The following SEPTIN9 variants were observed in gnomAD, a reference collection of about 807,000 sequenced individuals.
The protein encoded by SEPTIN9 is septin-9.
Under a neutral mutation model 56.6 loss-of-function variants are expected in SEPTIN9, and 13 were observed. The ratio of observed to expected loss-of-function variants is 0.23; its 90% CI spans 0.15 to 0.37. The LOEUF (loss-of-function observed/expected upper bound fraction) is 0.37. SEPTIN9 is among the 10% of genes least tolerant of loss of function. The pLI is 1.00. For synonymous variants in SEPTIN9, 332 were observed against 334.1 expected, an observed-to-expected ratio of 0.99 and a Z score of 0.07; for missense variants, 650 against 823.1, an observed-to-expected ratio of 0.79 and a Z score of 2.57.
Position 77,402,765 on chromosome 17 carries a change from G to A in SEPTIN9, c.721+62G>A, listed in dbSNP as rs1302857995. On this transcript the variant is annotated intron_variant, in intron 3 of 11. Coordinates refer to ENST00000427177, the MANE Select transcript of SEPTIN9 (RefSeq NM_001113491.2). This position sits in a 1 kb window ranked among gnomAD's most constrained non-coding sequence, Gnocchi z 6.6. ...AATGGGGGGCCTGGTTGCTGGCTTTGCCACAGAATCTTGGAGGAAGAAGCT... is the reference window on the plus strand; with the variant it reads ...AATGGGGGGCCTGGTTGCTGGCTTTACCACAGAATCTTGGAGGAAGAAGCT... 2.0e-6 allele frequency: 3 copies of A among 1,485,630 alleles called. No individual in the cohort carries two copies. The African/African-American group carries it at 4.2e-5, about 21-fold the overall frequency. 92.0% of individuals were successfully genotyped at this position (1,485,630 alleles called of 1,614,324 possible). A position where few individuals can be genotyped will look rare whatever the true frequency, so the allele number is the denominator to read the frequency against.
At chr17:77,376,015 G>A in intron 2 of SEPTIN9, 2 of 772,888 alleles carry the variant, frequency 2.6e-6, no homozygotes, top group Non-Finnish European at 3.1e-6. Context: ...AGCCCAGCCA[G>A]GGGTGATGTG....
intron 2 of SEPTIN9, among the ~76,000 whole-genome samples, chr17:77,364,191 C>G (rs1161781514): frequency 6.6e-6 from 1 of 152,204 alleles, no homozygotes; most frequent in African/African-American, 2.4e-5. Context: ...AGCCAGCGCA[C>G]CCCGCGCTTC....
At chr17:77,357,463 C>G (rs776746722) in intron 2 of SEPTIN9, among the ~76,000 whole-genome samples, 1 of 152,182 alleles carries the variant, frequency 6.6e-6, no homozygotes, top group East Asian at 1.9e-4. Flanking sequence ...CAAGCTACAC[C>G]TGCTTTATCA....
intron 2 of SEPTIN9, among the ~76,000 whole-genome samples, chr17:77,353,896 G>T (rs1237004192): frequency 6.6e-6 from 1 of 152,168 alleles, no homozygotes; most frequent in Non-Finnish European, 1.5e-5. Flanking sequence ...TTGCATGTGT[G>T]TGCACACATG....
chr17:77,464,807 G>A lies in SEPTIN9; in HGVS notation c.722-17337G>A, dbSNP rs137867696. 8.3e-3 allele frequency among the ~76,000 whole-genome samples: 1,249 copies of A among 151,284 alleles called. 17 individuals are homozygous for A. The highest frequency in any genetic ancestry group is 0.028 in the African/African-American group (1,166 of 41,188). ...TTTTTAGTAGAGATGGGGTTTCACC[G>A]TGGTCTCAATCTCCTGACCTCGTGA... On this transcript the variant is annotated intron_variant, in intron 3 of 11. Coordinates refer to ENST00000427177, the MANE Select transcript of SEPTIN9 (RefSeq NM_001113491.2).
chr17:77,296,469 A>T (rs2031818756), intron 1 of SEPTIN9, among the ~76,000 whole-genome samples: 1 of 152,094 alleles, frequency 6.6e-6, no homozygotes, highest in African/African-American at 2.4e-5. Context: ...AGACAGACAC[A>T]AACAGGCAAA....
At chr17:77,382,049 CAG>C (rs773626764) in intron 2 of SEPTIN9, among the ~76,000 whole-genome samples, 1 of 151,730 alleles carries the variant, frequency 6.6e-6, no homozygotes, top group Non-Finnish European at 1.5e-5. Context: ...TTTTTTGAGA[CAG>C]AGTTTCGCTC....
chr17:77,430,698 GC>G (rs1422357433), intron 3 of SEPTIN9, among the ~76,000 whole-genome samples: 8 of 152,192 alleles, frequency 5.3e-5, no homozygotes, highest in African/African-American at 1.9e-4. Context: ...GGTTAGAAGT[GC>G]TAAGAAGCAG....
chr17:77,309,423 G>C (rs1388528230), intron 2 of SEPTIN9, among the ~76,000 whole-genome samples: 2 of 152,160 alleles, frequency 1.3e-5, no homozygotes, highest in African/African-American at 4.8e-5. Flanking sequence ...TCATCTTCTT[G>C]GCTTCTTTCT....
intron 3 of SEPTIN9, among the ~76,000 whole-genome samples, chr17:77,466,060 ACACAC>A (rs2038708028): frequency 2.8e-5 from 1 of 35,244 alleles, no homozygotes; most frequent in Non-Finnish European, 6.1e-5. Context: ...ACTGTCACAC[ACACAC>A]ACACACACAC....
chr17:77,385,524 A>AG (rs1202905159), intron 2 of SEPTIN9, among the ~76,000 whole-genome samples: 1 of 152,112 alleles, frequency 6.6e-6, no homozygotes, highest in Non-Finnish European at 1.5e-5. Flanking sequence ...CGGCCATGGG[A>AG]GACCCCCTCT....
chr17:77,418,099 C>G (rs895706672), intron 3 of SEPTIN9, among the ~76,000 whole-genome samples: 2 of 152,218 alleles, frequency 1.3e-5, no homozygotes, highest in African/African-American at 4.8e-5. Flanking sequence ...CGGCACCTTA[C>G]AGCCCCTTGA....
At chr17:77,293,312 C>T (rs1217029089) in intron 1 of SEPTIN9, among the ~76,000 whole-genome samples, 1 of 152,162 alleles carries the variant, frequency 6.6e-6, no homozygotes, top group African/African-American at 2.4e-5. Flanking sequence ...TGCCATCACG[C>T]CTTGCTAATT....
intron 3 of SEPTIN9, among the ~76,000 whole-genome samples, chr17:77,414,104 G>A (rs551722147): frequency 6.6e-6 from 1 of 151,776 alleles, no homozygotes; most frequent in African/African-American, 2.4e-5. Context: ...TTGAGACGGA[G>A]TTTCACTCTT....
At chr17:77,312,081 G>C (rs1323721384) in intron 2 of SEPTIN9, among the ~76,000 whole-genome samples, 1 of 152,052 alleles carries the variant, frequency 6.6e-6, no homozygotes, top group Non-Finnish European at 1.5e-5. Flanking sequence ...CTGACCCTTG[G>C]ACAGGCTGCC....
chr17:77,427,323 G>A (rs2036950634), intron 3 of SEPTIN9: 1 of 152,312 alleles, frequency 6.6e-6, no homozygotes, highest in Non-Finnish European at 1.5e-5. Flanking sequence ...CCCAGCACAA[G>A]TGGACGAGAT....
At chr17:77,460,210 CCTT>C (rs2038404413) in intron 3 of SEPTIN9, among the ~76,000 whole-genome samples, 1 of 152,170 alleles carries the variant, frequency 6.6e-6, no homozygotes, top group Admixed American at 6.5e-5. Flanking sequence ...AGTAGAAGCT[CCTT>C]CTCTGTTCCT....
chr17:77,350,752 G>A (rs1040825700), intron 2 of SEPTIN9, among the ~76,000 whole-genome samples: 1 of 152,188 alleles, frequency 6.6e-6, no homozygotes, highest in African/African-American at 2.4e-5. Context: ...AAACGGGGGC[G>A]GGGGTGAGGG....
intron 3 of SEPTIN9, among the ~76,000 whole-genome samples, chr17:77,420,339 C>T (rs954984866): frequency 1.3e-5 from 2 of 152,220 alleles, no homozygotes; most frequent in Non-Finnish European, 2.9e-5. Context: ...GGAACACTTG[C>T]GTGCTTCTGC....
Sources: allele counts gnomAD v4.1 joint callset (sites outside exome capture counted in the v4.1 genomes callset), GRCh38; gene constraint gnomAD v4.1.1; non-coding constraint Gnocchi (gnomAD v3.1); transcripts MANE v1.5; gene names NCBI Gene and HGNC (gene_info 2026-07-23, HGNC 2026-07-21).